Variants in TTC29 observed in about 807,000 individuals in gnomAD.
TTC29 encodes the protein tetratricopeptide repeat domain 29, also known as tetratricopeptide repeat protein 29.
A neutral mutation model predicts 58.1 loss-of-function variants in TTC29; 49 were observed. That is an observed-to-expected ratio of 0.84 (90% CI 0.67 to 1.07). The LOEUF is 1.07. TTC29 is among the 50% of genes least tolerant of loss of function. TTC29 has a pLI of 0.00. For missense variants in TTC29, 582 were observed against 555.6 expected (o/e 1.05, Z -0.48); for synonymous variants, 209 against 196.8 (o/e 1.06, Z -0.52).
chr4:146,849,796 C>A (rs1729403568), intron 8 of TTC29, among the ~76,000 whole-genome samples: 1 of 152,144 alleles, frequency 6.6e-6, no homozygotes, highest in Non-Finnish European at 1.5e-5. Context: ...AGGCACACTG[C>A]CACCTTAAGG....
intron 11 of TTC29, among the ~76,000 whole-genome samples, chr4:146,745,150 G>A (rs1233179539): frequency 6.6e-6 from 1 of 152,234 alleles, no homozygotes; most frequent in Admixed American, 6.5e-5. Context: ...AAGAAAGACA[G>A]TGGCAGATTT....
chr4:146,898,721 A>C (rs1191787497), intron 6 of TTC29, among the ~76,000 whole-genome samples: 1 of 152,214 alleles, frequency 6.6e-6, no homozygotes, highest in Non-Finnish European at 1.5e-5. Context: ...CCCACAGCAA[A>C]GTCAATATCT....
At chr4:146,933,743 T>C (rs1381799344) in intron 4 of TTC29, among the ~76,000 whole-genome samples, 3 of 152,202 alleles carry the variant, frequency 2.0e-5, no homozygotes, top group Non-Finnish European at 4.4e-5. Context: ...ACTTAGAAAG[T>C]AACGAAGCAT....
chr4:146,728,474 T>C (rs989213304), intron 11 of TTC29, among the ~76,000 whole-genome samples: 1 of 151,656 alleles, frequency 6.6e-6, no homozygotes, highest in Non-Finnish European at 1.5e-5. Flanking sequence ...AAGATAATCA[T>C]ATGGTACACT....
Position 146,719,936 on chromosome 4 carries a change from G to A in TTC29, c.1331-12385C>T, listed in dbSNP as rs561808381. Among the ~76,000 whole-genome samples the A allele has an allele frequency of 3.7e-4, 57 of 152,200 alleles. 1 individual carries two copies. The highest frequency in any genetic ancestry group is 8.3e-4 in the South Asian group (4 of 4,812). ...ATTTGGTGCCACGTAAGTGAAACTT[G>A]GTAGCTAAAGTGCTTAGAGGAAAAT... is the stretch of plus-strand genomic sequence containing the variant. On this transcript the variant is annotated intron_variant, in intron 11 of 12. Transcript: ENST00000325106.
intron 11 of TTC29, among the ~76,000 whole-genome samples, chr4:146,728,775 ATATATATG>A (rs1744012480): frequency 8.2e-6 from 1 of 121,266 alleles, no homozygotes; most frequent in Non-Finnish European, 1.7e-5. Flanking sequence ...ATATATACAC[ATATATATG>A]TGTATATATA....
intron 10 of TTC29, among the ~76,000 whole-genome samples, chr4:146,807,727 T>C (rs187407759): frequency 1.3e-5 from 2 of 152,242 alleles, no homozygotes; most frequent in Admixed American, 1.3e-4. Flanking sequence ...TAACAAGTTC[T>C]GAAATTGAGG....
intron 8 of TTC29, among the ~76,000 whole-genome samples, chr4:146,845,246 G>A (rs1729091470): frequency 6.6e-6 from 1 of 152,108 alleles, no homozygotes; most frequent in South Asian, 2.1e-4. Flanking sequence ...GCGGTAAATA[G>A]GCCTTTTCCT....
intron 8 of TTC29, among the ~76,000 whole-genome samples, chr4:146,843,995 TA>T (rs1729010953): frequency 6.6e-6 from 1 of 152,200 alleles, no homozygotes; most frequent in Non-Finnish European, 1.5e-5. Flanking sequence ...AAACAGCAGT[TA>T]AATGTAATAA....
At chr4:146,904,247 G>T (rs1733369824) in intron 5 of TTC29, among the ~76,000 whole-genome samples, 1 of 152,122 alleles carries the variant, frequency 6.6e-6, no homozygotes, top group Non-Finnish European at 1.5e-5. Flanking sequence ...AACAAATGAT[G>T]ATCAGAATGA....
intron 8 of TTC29, among the ~76,000 whole-genome samples, chr4:146,864,701 C>T (rs80275517): frequency 0.061 from 9,248 of 152,168 alleles, 384 homozygotes; most frequent in Admixed American, 0.13. Context: ...TGACTTGTGA[C>T]TGTATCACTG....
At chr4:146,920,470 C>T (rs1734505657) in intron 4 of TTC29, among the ~76,000 whole-genome samples, 2 of 150,882 alleles carry the variant, frequency 1.3e-5, no homozygotes, top group Non-Finnish European at 3.0e-5. Flanking sequence ...GGAAAAAAAT[C>T]ACATAAATTA....
At chr4:146,928,151 G>A (rs1424028626) in intron 4 of TTC29, among the ~76,000 whole-genome samples, 1 of 152,120 alleles carries the variant, frequency 6.6e-6, no homozygotes, top group East Asian at 1.9e-4. Flanking sequence ...CACTAAGAAT[G>A]AGAGATGAGA....
intron 11 of TTC29, among the ~76,000 whole-genome samples, chr4:146,708,876 C>T (rs1446994969): frequency 6.6e-6 from 1 of 151,990 alleles, no homozygotes; most frequent in Non-Finnish European, 1.5e-5. Context: ...TACTATCAGC[C>T]CAGAAACCCA....
chr4:146,711,622 G>A (rs1323825211), intron 11 of TTC29, among the ~76,000 whole-genome samples: 1 of 152,104 alleles, frequency 6.6e-6, no homozygotes, highest in Admixed American at 6.6e-5. Context: ...TATAAACTAT[G>A]CTCCTATCTT....
At chr4:146,823,168 C>T (rs574653074) in intron 9 of TTC29, among the ~76,000 whole-genome samples, 8 of 152,122 alleles carry the variant, frequency 5.3e-5, no homozygotes, top group Admixed American at 6.6e-5. Flanking sequence ...TTTGCCATGA[C>T]GTCATTGCCT....
chr4:146,832,832 A>G (rs1399718940), intron 9 of TTC29, among the ~76,000 whole-genome samples: 1 of 152,050 alleles, frequency 6.6e-6, no homozygotes, highest in African/African-American at 2.4e-5. Context: ...CCATTTATCC[A>G]GTGATGACTG....
rs573310889 is a variant in TTC29, at chr4:146,747,165, C to G, written c.1331-39614G>C. Among the ~76,000 whole-genome samples the G allele has an allele frequency of 4.6e-5, 7 of 152,258 alleles. No individual in the cohort carries two copies. The East Asian group carries it at 1.2e-3, about 25-fold the overall frequency. On this transcript the variant is annotated intron_variant, in intron 11 of 12. Transcript: ENST00000325106. ...TCATGCAGTCCTCAAGGGCTCTGAGCCTAGCTGAGAGAGCTCTTCAGAATC... is the reference window on the plus strand; with the variant it reads ...TCATGCAGTCCTCAAGGGCTCTGAGGCTAGCTGAGAGAGCTCTTCAGAATC...
chr4:146,809,751 A>C (rs946239240), intron 10 of TTC29, among the ~76,000 whole-genome samples: 1 of 150,018 alleles, frequency 6.7e-6, no homozygotes, highest in African/African-American at 2.4e-5. Context: ...GATCATTAAA[A>C]ACTCAGGAAA....
Sources: allele counts gnomAD v4.1 joint callset (sites outside exome capture counted in the v4.1 genomes callset), GRCh38; gene constraint gnomAD v4.1.1; transcripts MANE v1.5; gene names NCBI Gene and HGNC (gene_info 2026-07-23, HGNC 2026-07-21).